The following RALYL variants were observed in gnomAD, a reference collection of about 807,000 sequenced individuals.
RALYL encodes RALY RNA binding protein like.
RALYL carries 29 observed loss-of-function variants against 35.1 expected under a neutral mutation model. The observed-to-expected ratio is 0.83, with a 90% CI of 0.61 to 1.13. The LOEUF is 1.13. Among genes scored for constraint, RALYL ranks in the 50% most tolerant of loss-of-function variants. RALYL has a pLI of 0.00. For synonymous variants in RALYL, 120 were observed against 127.6 expected, an observed-to-expected ratio of 0.94 and a Z score of 0.40; for missense variants, 359 against 360.4, an observed-to-expected ratio of 1.00 and a Z score of 0.03.
At chr8:84,542,225 T>A (rs1368160666) in intron 2 of RALYL, among the ~76,000 whole-genome samples, 1 of 152,110 alleles carries the variant, frequency 6.6e-6, no homozygotes, top group Non-Finnish European at 1.5e-5. Context: ...TTACTTTTTT[T>A]ATACATCATC....
intron 1 of RALYL, among the ~76,000 whole-genome samples, chr8:84,463,687 T>C (rs1358161859): frequency 2.0e-5 from 3 of 152,086 alleles, no homozygotes; most frequent in Non-Finnish European, 4.4e-5. Context: ...ATGCTTGCCT[T>C]TTCTACTTTC....
intron 6 of RALYL, among the ~76,000 whole-genome samples, chr8:84,869,706 T>C (rs927892492): frequency 2.6e-5 from 4 of 152,066 alleles, no homozygotes; most frequent in Admixed American, 1.3e-4. Flanking sequence ...CAGAGCAAAA[T>C]CACCATGTTA....
At chr8:84,686,577 G>A (rs555243432) in intron 2 of RALYL, among the ~76,000 whole-genome samples, 1 of 152,100 alleles carries the variant, frequency 6.6e-6, no homozygotes, top group Non-Finnish European at 1.5e-5. Flanking sequence ...GCTAATTTTT[G>A]TATTTTTAGT....
intron 2 of RALYL, among the ~76,000 whole-genome samples, chr8:84,604,425 G>A (rs1816667297): frequency 1.3e-5 from 2 of 152,072 alleles, no homozygotes; most frequent in Admixed American, 1.3e-4. Context: ...AGTTCCCTCC[G>A]TGCAACTGTG....
intron 1 of RALYL, among the ~76,000 whole-genome samples, chr8:84,398,138 C>T (rs1049793465): frequency 1.3e-5 from 2 of 152,154 alleles, no homozygotes. Context: ...TGTTCCAGGG[C>T]TGCTGTTGCG....
intron 1 of RALYL, among the ~76,000 whole-genome samples, chr8:84,295,923 G>C (rs944738524): frequency 6.6e-6 from 1 of 152,102 alleles, no homozygotes; most frequent in Non-Finnish European, 1.5e-5. Context: ...CTGTGGAAGG[G>C]ACACTACCAG....
intron 1 of RALYL, among the ~76,000 whole-genome samples, chr8:84,269,651 T>C (rs1833936024): frequency 6.6e-6 from 1 of 152,120 alleles, no homozygotes; most frequent in Non-Finnish European, 1.5e-5. Flanking sequence ...GCTTCAGTAA[T>C]GTATGTAATG....
At position 84,311,090 on chromosome 8, in the gene RALYL, A is replaced by AAAAAAAAATAT. The variant is rs1554614840; in HGVS notation, c.-24+126667_-24+126668insAAAAAAATATA. 7.2e-4 allele frequency among the ~76,000 whole-genome samples: 72 copies of AAAAAAAAATAT among 99,770 alleles called. 1 individual carries two copies. The highest frequency in any genetic ancestry group is 2.5e-3 in the East Asian group (7 of 2,856). The allele number at this position is 99,770 out of a possible 152,430, so 65.5% of individuals were successfully genotyped here. A position where few individuals can be genotyped will look rare whatever the true frequency, so the allele number is the denominator to read the frequency against. On this transcript the variant is annotated intron_variant, in intron 1 of 8. Coordinates refer to ENST00000521268, the MANE Select transcript of RALYL (RefSeq NM_173848.7). ...AAAAAAAAAAAAAAAAAAAAAAAAA[A>AAAAAAAAATAT]ATGTATATTAATGTATAGTATAAAT... is the stretch of plus-strand genomic sequence containing the variant.
intron 1 of RALYL, among the ~76,000 whole-genome samples, chr8:84,387,015 G>A (rs535790118): frequency 1.5e-3 from 233 of 151,862 alleles, no homozygotes; most frequent in African/African-American, 5.4e-3. Flanking sequence ...CCTTAGATAA[G>A]GCTTGTGAGG....
chr8:84,489,760 C>T (rs2055053386), intron 1 of RALYL, among the ~76,000 whole-genome samples: 1 of 151,852 alleles, frequency 6.6e-6, no homozygotes, highest in Admixed American at 6.6e-5. Flanking sequence ...AATGCCATGC[C>T]ATGAGAAAGC....
At chr8:84,409,905 C>T (rs2043931915) in intron 1 of RALYL, among the ~76,000 whole-genome samples, 1 of 151,826 alleles carries the variant, frequency 6.6e-6, no homozygotes, top group Admixed American at 6.6e-5. Flanking sequence ...TCTAATGGCT[C>T]TATGATGTTG....
intron 8 of RALYL, among the ~76,000 whole-genome samples, chr8:84,899,574 A>T (rs1161107478): frequency 6.6e-6 from 1 of 152,184 alleles, no homozygotes; most frequent in Non-Finnish European, 1.5e-5. Flanking sequence ...TTATACAAAG[A>T]ATGGAAGCAA....
At chr8:84,821,567 C>T (rs1161519202) in intron 4 of RALYL, among the ~76,000 whole-genome samples, 1 of 152,152 alleles carries the variant, frequency 6.6e-6, no homozygotes. Context: ...AAAGTGCTAG[C>T]AACAGTTTTA....
chr8:84,817,513 T>G (rs1827610611), intron 4 of RALYL, among the ~76,000 whole-genome samples: 1 of 150,504 alleles, frequency 6.6e-6, no homozygotes, highest in Non-Finnish European at 1.5e-5. Flanking sequence ...TTTGCTCACT[T>G]AAGGTAGTAA....
chr8:84,544,196 A>G (rs2060204296), intron 2 of RALYL, among the ~76,000 whole-genome samples: 1 of 152,050 alleles, frequency 6.6e-6, no homozygotes, highest in Non-Finnish European at 1.5e-5. Flanking sequence ...TTTGATTATT[A>G]TACTTGCTTT....
chr8:84,432,926 A>G (rs1046791477), intron 1 of RALYL, among the ~76,000 whole-genome samples: 1 of 152,144 alleles, frequency 6.6e-6, no homozygotes, highest in Non-Finnish European at 1.5e-5. Context: ...ACACATTTCC[A>G]TTGTTTTAAG....
At chr8:84,227,164 G>C (rs887628697) in intron 1 of RALYL, among the ~76,000 whole-genome samples, 1 of 137,570 alleles carries the variant, frequency 7.3e-6, no homozygotes, top group East Asian at 2.3e-4. Flanking sequence ...GGGTTCAAAC[G>C]ATTTTCCTGC....
chr8:84,479,085 CAAAAAAAAAAAAAAAAAAAAAAAAA>C (rs56799862), intron 1 of RALYL, among the ~76,000 whole-genome samples: 1 of 21,824 alleles, frequency 4.6e-5, no homozygotes, highest in Non-Finnish European at 1.1e-4. Flanking sequence ...GACTCCGTCT[CAAAAAAAAAAAAAAAAAAAAAAAAA>C]AAAAAAAAAA....
intron 1 of RALYL, among the ~76,000 whole-genome samples, chr8:84,392,796 A>G (rs535727179): frequency 1.3e-5 from 2 of 152,188 alleles, no homozygotes; most frequent in South Asian, 4.1e-4. Context: ...AGGAAAAAAA[A>G]TCTTATTGAA....
Sources: gnomAD v4.1 joint callset for allele counts (sites outside exome capture counted in the v4.1 genomes callset) on GRCh38, gnomAD v4.1.1 for gene constraint, MANE v1.5 for transcripts, NCBI Gene and HGNC (gene_info 2026-07-23, HGNC 2026-07-21) for gene names.